The following LOC128706666 variants were observed in gnomAD, a reference collection of about 807,000 sequenced individuals.
chr20:10,426,800 A>G, the LOC128706666 span, among the ~76,000 whole-genome samples: 1 of 152,206 alleles, frequency 6.6e-6, no homozygotes, highest in African/African-American at 2.4e-5. Context: ...GGAGGTAAGA[A>G]AAACAAAAAA....
At chr20:10,433,608 G>A in the LOC128706666 span, among the ~76,000 whole-genome samples, 4 of 152,200 alleles carry the variant, frequency 2.6e-5, no homozygotes, top group Non-Finnish European at 5.9e-5. Context: ...ATCCCTACAA[G>A]GTCCACAGCC....
chr20:10,431,527 AAAACCAAACC>A, the LOC128706666 span, among the ~76,000 whole-genome samples: 42,016 of 150,676 alleles, frequency 0.28, 6,325 homozygotes, highest in African/African-American at 0.4. Flanking sequence ...ATAGGGTCAA[AAAACCAAACC>A]AAACCAAACC....
the LOC128706666 span, among the ~76,000 whole-genome samples, chr20:10,417,380 G>A: frequency 6.6e-6 from 1 of 152,220 alleles, no homozygotes; most frequent in African/African-American, 2.4e-5. Context: ...GGAGGCCAAG[G>A]CAGGAGGATT....
At chr20:10,427,330 T>C in the LOC128706666 span, among the ~76,000 whole-genome samples, 1 of 152,328 alleles carries the variant, frequency 6.6e-6, no homozygotes, top group East Asian at 1.9e-4. Context: ...ACGGATTCTT[T>C]TTGGTCTTAA....
the LOC128706666 span, among the ~76,000 whole-genome samples, chr20:10,433,181 C>T: frequency 6.6e-6 from 1 of 152,194 alleles, no homozygotes; most frequent in Non-Finnish European, 1.5e-5. Context: ...TTTTTTTGTA[C>T]TTTTAGCAGA....
At chr20:10,428,754 G>A in the LOC128706666 span, among the ~76,000 whole-genome samples, 3 of 152,252 alleles carry the variant, frequency 2.0e-5, no homozygotes, top group South Asian at 4.2e-4. Flanking sequence ...CAGGAGAATC[G>A]CTTGAATCCA....
At chr20:10,419,796 G>A in the LOC128706666 span, among the ~76,000 whole-genome samples, 1 of 152,108 alleles carries the variant, frequency 6.6e-6, no homozygotes, top group Admixed American at 6.6e-5. Flanking sequence ...AATATCCCAG[G>A]ATTTCATCAT....
At chr20:10,429,775 C>T in the LOC128706666 span, among the ~76,000 whole-genome samples, 3 of 152,270 alleles carry the variant, frequency 2.0e-5, no homozygotes, top group South Asian at 6.2e-4. Flanking sequence ...ACATGACCTC[C>T]TTGCTTCAAT....
the LOC128706666 span, among the ~76,000 whole-genome samples, chr20:10,424,749 T>G: frequency 6.6e-6 from 1 of 152,138 alleles, no homozygotes; most frequent in African/African-American, 2.4e-5. Flanking sequence ...CCTCTGTGGT[T>G]TTTTACAAAA....
chr20:10,431,531 C>A, the LOC128706666 span, among the ~76,000 whole-genome samples: 3 of 74,620 alleles, frequency 4.0e-5, no homozygotes, highest in African/African-American at 2.7e-4. Flanking sequence ...GGTCAAAAAA[C>A]CAAACCAAAC....
the LOC128706666 span, among the ~76,000 whole-genome samples, chr20:10,420,360 C>T: frequency 1.8e-4 from 28 of 152,276 alleles, no homozygotes; most frequent in East Asian, 9.6e-4. Context: ...CTCTGCACAA[C>T]GAACTTTTCT....
At chr20:10,429,421 A>G in the LOC128706666 span, among the ~76,000 whole-genome samples, 1 of 152,142 alleles carries the variant, frequency 6.6e-6, no homozygotes, top group Non-Finnish European at 1.5e-5. Flanking sequence ...TTCTATGATC[A>G]TGCATCCACT....
chr20:10,427,831 T>C, the LOC128706666 span, among the ~76,000 whole-genome samples: 44 of 152,300 alleles, frequency 2.9e-4, no homozygotes, highest in African/African-American at 9.9e-4. Flanking sequence ...TGGATCATAA[T>C]TGAGTTCTAA....
chr20:10,426,827 G>A, the LOC128706666 span, among the ~76,000 whole-genome samples: 1 of 152,294 alleles, frequency 6.6e-6, no homozygotes, highest in South Asian at 2.1e-4. Flanking sequence ...GGGCAAAAGA[G>A]TCTATATCCT....
chr20:10,433,005 G>A, the LOC128706666 span, among the ~76,000 whole-genome samples: 1 of 152,114 alleles, frequency 6.6e-6, no homozygotes, highest in Non-Finnish European at 1.5e-5. Flanking sequence ...CCCCCAGAAT[G>A]TTTTTATTTA....
At chr20:10,421,665 T>A in the LOC128706666 span, among the ~76,000 whole-genome samples, 2 of 152,018 alleles carry the variant, frequency 1.3e-5, no homozygotes, top group Non-Finnish European at 2.9e-5. Context: ...CATTTTAGAG[T>A]GTTTGCCCTG....
the LOC128706666 span, among the ~76,000 whole-genome samples, chr20:10,424,385 T>C: frequency 6.6e-6 from 1 of 152,014 alleles, no homozygotes; most frequent in African/African-American, 2.4e-5. Context: ...TGAGACTTCA[T>C]CTCTATTTTA....
the LOC128706666 span, among the ~76,000 whole-genome samples, chr20:10,421,407 A>T: frequency 2.2e-5 from 3 of 138,752 alleles, no homozygotes; most frequent in South Asian, 7.1e-4. Context: ...ACAGAATGAG[A>T]CTCCATCACA....
chr20:10,415,918 G>A, the LOC128706666 span, among the ~76,000 whole-genome samples: 37 of 152,116 alleles, frequency 2.4e-4, 2 homozygotes, highest in East Asian at 5.8e-4. Context: ...TTTTAAAGAT[G>A]CCAAAACTTG....
Sources: allele counts gnomAD v4.1 joint callset (sites outside exome capture counted in the v4.1 genomes callset), GRCh38; gene constraint gnomAD v4.1.1; transcripts MANE v1.5.